The following TNC variants were observed in gnomAD, a reference collection of about 807,000 sequenced individuals.
TNC encodes the protein tenascin.
A neutral mutation model predicts 202.4 loss-of-function variants in TNC; 109 were observed. That is an observed-to-expected ratio of 0.54 (90% CI 0.46 to 0.63). The LOEUF is 0.63. TNC is among the 30% of genes least tolerant of loss of function. TNC has a pLI of 0.00. For missense variants in TNC, 2,756 were observed against 2,833.3 expected (o/e 0.97, Z 0.62); for synonymous variants, 1,007 against 1,089.7 (o/e 0.92, Z 1.50).
chr9:115,114,898 G>T (rs1837345541), intron 1 of TNC: 1 of 151,590 alleles, frequency 6.6e-6, no homozygotes, highest in African/African-American at 2.4e-5. Flanking sequence ...AGAAACCATT[G>T]GCAAACCCTC....
intron 7 of TNC, 148 bp downstream of exon 7, chr9:115,077,795 T>C: frequency 1.2e-6 from 1 of 851,508 alleles, no homozygotes; most frequent in Non-Finnish European, 1.7e-6. Flanking sequence ...AATAAATTGC[T>C]ACAATATTTT....
Position 115,038,356 on chromosome 9 carries a change from A to T in TNC, c.5417T>A (p.Val1806Glu). 6.2e-7 allele frequency: 1 copy of T among 1,614,144 alleles called. No homozygotes were observed. Among genetic ancestry groups the T allele is most frequent in the East Asian group, 2.2e-5 (1 of 44,874 alleles). ...TTALDGPSGL[V>E]TANITDSEAL... The stretch of plus-strand genomic sequence containing the variant: ...TTCTGAGTCAGTGATGTTGGCTGTC[A>T]CCAGGCCAGATGGGCCATCCAGAGC... Residue 1806 changes from valine to glutamate, a missense_variant, in exon 20 of 28, where the codon GTG (valine) becomes GAG (glutamate). Val to Glu is a moderately radical substitution (Grantham distance 121). Transcript: ENST00000350763.
At chr9:115,097,444 G>A (rs190634314) in intron 1 of TNC, among the ~76,000 whole-genome samples, 58 of 152,326 alleles carry the variant, frequency 3.8e-4, no homozygotes, top group Admixed American at 3.2e-3. Flanking sequence ...ATCCAGAAGG[G>A]ATGGGGGAAT....
Position 115,078,309 on chromosome 9 carries a change from A to AAT in TNC, c.2405-99_2405-98dup, listed in dbSNP as rs1834038994. The AAT allele has an allele frequency of 6.5e-6, 9 of 1,385,514 alleles. No homozygotes were observed. In the South Asian group the frequency reaches 1.2e-4, roughly 19 times the overall value. The allele number at this position is 1,385,514 out of a possible 1,614,324, so 85.8% of individuals were successfully genotyped here. ...TTGTAACTCTCCAGACCTGTGGGTG[A>AAT]ATACTTATACTAACTGCTTGACTTT... On this transcript the variant is annotated intron_variant, in intron 6 of 27. Transcript: ENST00000350763.
Position 115,021,081 on chromosome 9 carries a change from G to C in TNC, c.*76C>G. The C allele has an allele frequency of 8.0e-7, 1 of 1,243,074 alleles. No individual in the cohort carries two copies. Among genetic ancestry groups the C allele is most frequent in the Admixed American group, 1.8e-5 (1 of 55,792 alleles). The allele number at this position is 1,243,074 out of a possible 1,614,324, so 77.0% of individuals were successfully genotyped here. ...CCAGGTGTGGACCGATGGTTGGGCT[G>C]GTTGTATTGATGCTTTGGTAAAATC... On this transcript the variant is annotated 3_prime_UTR_variant, in exon 28 of 28. Coordinates refer to ENST00000350763, the MANE Select transcript of TNC (RefSeq NM_002160.4).
chr9:115,069,619 TCTCCCTC>T, intron 10 of TNC, among the ~76,000 whole-genome samples: 1 of 6,432 alleles, frequency 1.6e-4, no homozygotes, highest in South Asian at 0.018. Flanking sequence ...TCCCTCCCTC[TCTCCCTC>T]CCTCCCTCCC....
intron 3 of TNC, 51 bp downstream of exon 3, chr9:115,085,813 G>A (rs536010517): frequency 6.6e-7 from 1 of 1,514,226 alleles, no homozygotes; most frequent in Admixed American, 2.0e-5. Flanking sequence ...CCCATACTAG[G>A]AGTCCACTCC....
In TNC at chr9:115,059,769, C is replaced by T; in HGVS notation, c.4267G>A (p.Gly1423Ser). 3 of 1,613,552 alleles carry T rather than the reference C, an allele frequency of 1.9e-6. No individual in the cohort carries two copies. The highest frequency in any genetic ancestry group is 2.5e-6 in the Non-Finnish European group (3 of 1,179,600). Reference protein sequence around the residue: ...YRVSIYGVIRGYRTPVLSAEA... With the variant: ...YRVSIYGVIRSYRTPVLSAEA... Reference sequence around the variant, plus strand: ...GCAGAGAGTACTGGTGTTCTATAGCCCCGGATCACCCCATAGATGGAGACT... The same window carrying T: ...GCAGAGAGTACTGGTGTTCTATAGCTCCGGATCACCCCATAGATGGAGACT... Residue 1423 changes from glycine to serine, a missense_variant, in exon 14 of 28, where the codon GGC (glycine) becomes AGC (serine). By Grantham distance (56) the Gly-to-Ser change is moderately conservative. Around this residue, in one of 2 missense-constraint regions of TNC, gnomAD observed 2,559 missense variants for 2,546.0 expected, o/e 1.01. Coordinates refer to ENST00000350763, the MANE Select transcript of TNC (RefSeq NM_002160.4).
chr9:115,062,633 C>A (rs1832631243), intron 13 of TNC, among the ~76,000 whole-genome samples: 1 of 149,222 alleles, frequency 6.7e-6, no homozygotes, highest in Non-Finnish European at 1.5e-5. Flanking sequence ...AAGTATATAT[C>A]TATATATACA....
At chr9:115,073,989 A>G in intron 9 of TNC, 123 bp from the exon 10 acceptor site, 1 of 958,718 alleles carries the variant, frequency 1.0e-6, no homozygotes, top group Non-Finnish European at 1.5e-6. Context: ...GAGGGACCAC[A>G]GGAGAGTCAC....
intron 18 of TNC, among the ~76,000 whole-genome samples, chr9:115,041,312 G>GGGC (rs1564425611): frequency 5.5e-5 from 8 of 145,820 alleles, no homozygotes; most frequent in African/African-American, 2.0e-4. Flanking sequence ...GGAGGGGCGG[G>GGGC]GGAAAACATG....
chr9:115,042,178 C>T, intron 18 of TNC, 41 bp downstream of exon 18: 1 of 1,599,136 alleles, frequency 6.3e-7, no homozygotes, highest in Non-Finnish European at 8.5e-7. Flanking sequence ...CATCCAAACC[C>T]ACAACACTCC....
chr9:115,045,385 G>C (rs1272122852), intron 17 of TNC, among the ~76,000 whole-genome samples: 1 of 151,524 alleles, frequency 6.6e-6, no homozygotes, highest in Admixed American at 6.6e-5. Flanking sequence ...ATCATTATTT[G>C]AGACAGAGTC....
In TNC at chr9:115,091,012, C is replaced by T. The variant is rs765248203; in HGVS notation, c.7G>A (p.Ala3Thr). 13 of 1,609,554 alleles carry T rather than the reference C, an allele frequency of 8.1e-6. No individual in the cohort carries two copies. The highest frequency in any genetic ancestry group is 1.1e-5 in the South Asian group (1 of 91,068). The change falls in exon 2 of 28, where the codon GCC becomes ACC. Residue 3 changes from alanine (A) to threonine (T), a missense_variant. This residue lies in a region of TNC where 2,559 missense variants were observed against 2,546.0 expected (regional missense o/e 1.01). Coordinates refer to ENST00000350763, the MANE Select transcript of TNC (RefSeq NM_002160.4). MGAMTQLLAGVFL... is the reference protein window; with the variant it reads MGTMTQLLAGVFL... Reference sequence around the variant, plus strand: ...ACACCTGCCAACAGCTGAGTCATGGCCCCCATGGTGGAGGTGGGTTTGGCT... The same window carrying T: ...ACACCTGCCAACAGCTGAGTCATGGTCCCCATGGTGGAGGTGGGTTTGGCT...
chr9:115,113,845 G>A (rs1231908916), intron 1 of TNC, among the ~76,000 whole-genome samples: 1 of 152,184 alleles, frequency 6.6e-6, no homozygotes. Context: ...TTTATTCCAT[G>A]ATGAAGGGCC....
chr9:115,087,527 G>GATGT (rs1225588082), intron 2 of TNC, among the ~76,000 whole-genome samples: 8 of 148,732 alleles, frequency 5.4e-5, no homozygotes, highest in African/African-American at 2.0e-4. Context: ...TATGCATAGG[G>GATGT]GTGTGTGTGT....
At chr9:115,100,026 T>C (rs1719721553) in intron 1 of TNC, among the ~76,000 whole-genome samples, 1 of 152,192 alleles carries the variant, frequency 6.6e-6, no homozygotes, top group Non-Finnish European at 1.5e-5. Flanking sequence ...TGTGGGGCTC[T>C]TTTCTGGGAG....
chr9:115,021,207 G>A lies in TNC; in HGVS notation c.6556C>T (p.Leu2186=), dbSNP rs777352155. ...EHSIQFAEMK[L]RPSNFRNLEG... Reference sequence around the variant, plus strand: ...AGATTTCTGAAGTTGCTTGGTCTCAGCTTCATCTCAGCAAACTGGATTGAG... The same window carrying A: ...AGATTTCTGAAGTTGCTTGGTCTCAACTTCATCTCAGCAAACTGGATTGAG... Residue 2186 remains leucine, a synonymous_variant, in exon 28 of 28, where the codon CTG becomes TTG. Transcript: ENST00000350763. The A allele has an allele frequency of 1.2e-6, 2 of 1,613,610 alleles. No individual in the cohort carries two copies. Among genetic ancestry groups the A allele is most frequent in the Admixed American group, 3.3e-5 (2 of 59,944 alleles).
intron 1 of TNC, among the ~76,000 whole-genome samples, chr9:115,109,675 A>C (rs540603377): frequency 7.9e-4 from 120 of 152,294 alleles, no homozygotes; most frequent in Non-Finnish European, 1.4e-3. Context: ...GTTTTTCCAA[A>C]TCCAAAGCAA....
Sources: allele counts gnomAD v4.1 joint callset (sites outside exome capture counted in the v4.1 genomes callset), GRCh38; gene constraint gnomAD v4.1.1; regional missense constraint gnomAD v4.1.1; transcripts MANE v1.5; gene names NCBI Gene and HGNC (gene_info 2026-07-23, HGNC 2026-07-21).